The following GRK3 variants were observed in gnomAD, a reference collection of about 807,000 sequenced individuals.
The protein encoded by GRK3 is adrenergic, beta, receptor kinase 2.
Under a neutral mutation model 95.7 loss-of-function variants are expected in GRK3, and 54 were observed. That is an observed-to-expected ratio of 0.56 (90% CI 0.45 to 0.71). The LOEUF (loss-of-function observed/expected upper bound fraction) is 0.71. Ranked by LOEUF, GRK3 falls within the 30% of genes least tolerant of loss-of-function variation. The pLI, the probability that GRK3 is intolerant of heterozygous loss-of-function variation, is 0.00. For synonymous variants in GRK3, 281 were observed against 290.8 expected (o/e 0.97, Z 0.34); for missense variants, 649 against 851.2 (o/e 0.76, Z 2.96).
At chr22:25,647,638 G>A in intron 3 of GRK3, 1 of 1,460,974 alleles carries the variant, frequency 6.8e-7, no homozygotes, top group African/African-American at 1.4e-5. Flanking sequence ...CAATACAGAA[G>A]GAGACTGGTG....
intron 16 of GRK3, among the ~76,000 whole-genome samples, chr22:25,710,203 A>G (rs1462497536): frequency 6.6e-6 from 1 of 152,200 alleles, no homozygotes; most frequent in African/African-American, 2.4e-5. Context: ...CTCTAATAGA[A>G]ACATTTTGAA....
chr22:25,711,919 C>T (rs1423865326), intron 17 of GRK3, among the ~76,000 whole-genome samples: 4 of 152,180 alleles, frequency 2.6e-5, no homozygotes, highest in Non-Finnish European at 4.4e-5. Flanking sequence ...AAAACACACA[C>T]CTGTGAGGTG....
In GRK3 at chr22:25,615,349, G is replaced by T. The variant is rs1383415876; in HGVS notation, c.190+10896G>T. ...GTAAACTTTTTGAACTGACAGTGGGGGACGATGGGGCTGTTTTAGGATTTT... is the reference window on the plus strand; with the variant it reads ...GTAAACTTTTTGAACTGACAGTGGGTGACGATGGGGCTGTTTTAGGATTTT... On this transcript the variant is annotated intron_variant, in intron 2 of 20. Transcript: ENST00000324198. Among the ~76,000 whole-genome samples, 2 of 152,082 alleles carry T rather than the reference G, an allele frequency of 1.3e-5. 1 individual carries two copies. Among genetic ancestry groups the T allele is most frequent in the South Asian group, 4.2e-4 (2 of 4,810 alleles).
Position 25,721,322 on chromosome 22 carries a change from A to G in GRK3, c.1830A>G (p.Glu610=), listed in dbSNP as rs779602709. ...CAATGGAACAGATTCTCTCTGTGGA[A>G]GAAACTCAAATTAAAGACAAAAAAT... ...LLTMEQILSV[E]ETQIKDKKCI... The change falls in exon 20 of 21, where the codon GAA becomes GAG. Residue 610 remains glutamate, a synonymous_variant. Coordinates refer to ENST00000324198, the MANE Select transcript of GRK3 (RefSeq NM_005160.4). 5.6e-6 allele frequency: 9 copies of G among 1,605,000 alleles called. No individual in the cohort carries two copies. Among genetic ancestry groups the G allele is most frequent in the Non-Finnish European group, 7.7e-6 (9 of 1,175,352 alleles).
At chr22:25,665,382 C>T (rs1274990683) in intron 5 of GRK3, among the ~76,000 whole-genome samples, 1 of 152,128 alleles carries the variant, frequency 6.6e-6, no homozygotes, top group Non-Finnish European at 1.5e-5. Flanking sequence ...AACCATACCT[C>T]ATAATACATG....
At chr22:25,686,078 C>T (rs1269170206) in intron 10 of GRK3, among the ~76,000 whole-genome samples, 6 of 151,490 alleles carry the variant, frequency 4.0e-5, no homozygotes, top group South Asian at 2.1e-4. Flanking sequence ...AAAAATTAGC[C>T]GGGGGTGGTG....
intron 1 of GRK3, among the ~76,000 whole-genome samples, chr22:25,591,089 G>T (rs1435716663): frequency 6.6e-6 from 1 of 152,132 alleles, no homozygotes; most frequent in Non-Finnish European, 1.5e-5. Context: ...TAGGAATGGG[G>T]TTCCCAGTCT....
chr22:25,586,484 T>C (rs1050155900), intron 1 of GRK3, among the ~76,000 whole-genome samples: 2 of 152,288 alleles, frequency 1.3e-5, no homozygotes, highest in African/African-American at 4.8e-5. Flanking sequence ...CCCGTAAATA[T>C]ATCTACCTAC....
At chr22:25,601,038 A>G (rs1440533907) in intron 1 of GRK3, among the ~76,000 whole-genome samples, 3 of 152,226 alleles carry the variant, frequency 2.0e-5, no homozygotes, top group Non-Finnish European at 4.4e-5. Flanking sequence ...AGAATTGAAA[A>G]GAGAAATAGA....
chr22:25,705,987 G>A (rs544502321), intron 15 of GRK3, among the ~76,000 whole-genome samples: 1 of 152,076 alleles, frequency 6.6e-6, no homozygotes, highest in Non-Finnish European at 1.5e-5. Flanking sequence ...CTTCAGCTTG[G>A]AGACCACCCT....
chr22:25,654,328 T>C (rs1452498385), intron 3 of GRK3, among the ~76,000 whole-genome samples: 1 of 152,200 alleles, frequency 6.6e-6, no homozygotes, highest in Non-Finnish European at 1.5e-5. Flanking sequence ...TGACTGGACC[T>C]GCCTGATATT....
At chr22:25,693,018 AG>A (rs1003764697) in intron 12 of GRK3, among the ~76,000 whole-genome samples, 2 of 152,234 alleles carry the variant, frequency 1.3e-5, no homozygotes, top group Non-Finnish European at 2.9e-5. Context: ...GCTTAGACTT[AG>A]TCCATTTAAC....
Position 25,714,536 on chromosome 22 carries a change from G to A in GRK3, c.1620G>A (p.Lys540=). 6.2e-7 allele frequency: 1 copy of A among 1,610,302 alleles called. No individual in the cohort carries two copies. Among genetic ancestry groups the A allele is most frequent in the South Asian group, 1.1e-5 (1 of 89,730 alleles). The part of the protein sequence containing the change: ...NADTDKIEAR[K]RAKNKQLGHE... ...ACACAGATAAAATCGAGGCCAGGAA[G>A]AGAGCTAAAAATAAGCAACTTGGCC... The change falls in exon 18 of 21, where the codon AAG becomes AAA. Residue 540 remains lysine (K), a synonymous_variant. Coordinates refer to ENST00000324198, the MANE Select transcript of GRK3 (RefSeq NM_005160.4).
chr22:25,685,037 T>C (rs2085101940), intron 9 of GRK3, 133 bp from the exon 10 acceptor site: 2 of 631,042 alleles, frequency 3.2e-6, no homozygotes, highest in South Asian at 2.0e-5. Flanking sequence ...CTGTACACCA[T>C]AAATATGTAC....
intron 10 of GRK3, among the ~76,000 whole-genome samples, chr22:25,686,658 A>G (rs2085116868): frequency 6.6e-6 from 1 of 152,162 alleles, no homozygotes; most frequent in South Asian, 2.1e-4. Context: ...TGTCTGTGTA[A>G]TTTGAGGCCA....
chr22:25,725,605 T>A lies in GRK3; in HGVS notation c.*3155T>A, dbSNP rs1268446323. 5.0e-6 allele frequency: 2 copies of A among 398,466 alleles called. No homozygotes were observed. The highest frequency in any genetic ancestry group is 8.8e-5 in the Admixed American group (2 of 22,712). 24.7% of individuals were successfully genotyped at this position (398,466 alleles called of 1,614,324 possible). A position where few individuals can be genotyped will look rare whatever the true frequency, so the allele number is the denominator to read the frequency against. ...ACCATTCATGCAAAGTGCTCATGCC[T>A]CTGATTGGTCCATTCACTGACGTGA... On this transcript the variant is annotated 3_prime_UTR_variant, in exon 21 of 21. Coordinates refer to ENST00000324198, the MANE Select transcript of GRK3 (RefSeq NM_005160.4).
rs573712037 is a variant in GRK3 at position 25,716,819 on chromosome 22, G to C, written c.1655-1426G>C. Among the ~76,000 whole-genome samples, 3 of 152,384 alleles carry C rather than the reference G, an allele frequency of 2.0e-5. No individual in the cohort carries two copies. In the East Asian group the frequency reaches 5.8e-4, roughly 29 times the overall value. The stretch of plus-strand genomic sequence containing the variant: ...CAGTTAGGAACCGGGCTGCACAGCA[G>C]GAGATCAGTGCTGGGCGAGTGAGCA... On this transcript the variant is annotated intron_variant, in intron 18 of 20. Coordinates refer to ENST00000324198, the MANE Select transcript of GRK3 (RefSeq NM_005160.4).
intron 17 of GRK3, among the ~76,000 whole-genome samples, chr22:25,711,799 C>T (rs1028881820): frequency 7.9e-5 from 12 of 152,174 alleles, no homozygotes; most frequent in Non-Finnish European, 1.2e-4. Flanking sequence ...CCCCTGCCCC[C>T]GGGCCTTCCC....
chr22:25,688,695 G>C (rs750627973), intron 11 of GRK3, among the ~76,000 whole-genome samples: 1 of 152,184 alleles, frequency 6.6e-6, no homozygotes, highest in Non-Finnish European at 1.5e-5. Flanking sequence ...TCCAGAACGC[G>C]GTGCTTGGTC....
Sources: allele counts gnomAD v4.1 joint callset (sites outside exome capture counted in the v4.1 genomes callset), GRCh38; gene constraint gnomAD v4.1.1; transcripts MANE v1.5; gene names NCBI Gene and HGNC (gene_info 2026-07-23, HGNC 2026-07-21).